Variants in OR2L13 observed in about 807,000 individuals in gnomAD.
The protein encoded by OR2L13 is olfactory receptor 2L13.
A neutral mutation model predicts 15.3 loss-of-function variants in OR2L13; 14 were observed. The ratio of observed to expected loss-of-function variants is 0.91; its 90% CI spans 0.60 to 1.43. OR2L13 has a LOEUF of 1.43. Ranked by LOEUF, OR2L13 falls within the 40% of genes most tolerant of loss-of-function variation. The pLI, the probability that OR2L13 is intolerant of heterozygous loss-of-function variation, is 0.00. For synonymous variants in OR2L13, 152 were observed against 142.9 expected, an observed-to-expected ratio of 1.06 and a Z score of -0.45; for missense variants, 367 against 387.9, an observed-to-expected ratio of 0.95 and a Z score of 0.45.
chr1:248,021,132 T>G, the OR2L13 span, among the ~76,000 whole-genome samples: 1 of 152,250 alleles, frequency 6.6e-6, no homozygotes, highest in Non-Finnish European at 1.5e-5. Context: ...CATATGATCT[T>G]GATTACATCT....
At chr1:248,068,823 G>T in the OR2L13 span, among the ~76,000 whole-genome samples, 9 of 152,192 alleles carry the variant, frequency 5.9e-5, no homozygotes, top group Non-Finnish European at 1.0e-4. Flanking sequence ...ACTACATGAA[G>T]AATGCAGAAG....
chr1:247,990,796 T>C, the OR2L13 span: 5 of 1,603,006 alleles, frequency 3.1e-6, no homozygotes, highest in African/African-American at 2.7e-5. Flanking sequence ...CAATCATTTT[T>C]TCTGTGATGT....
the OR2L13 span, chr1:248,084,340 C>T: frequency 1.3e-5 from 21 of 1,612,592 alleles, no homozygotes; most frequent in Middle Eastern, 1.9e-4. Context: ...GCCTTATTTC[C>T]GGTCAAGTAG....
At chr1:248,094,718 C>T (rs1236604798), upstream of OR2L13, among the ~76,000 whole-genome samples, 1 of 152,092 alleles carries the variant, frequency 6.6e-6, no homozygotes, top group East Asian at 1.9e-4. Context: ...AGTGTTTTAT[C>T]CTAGTATAAT....
chr1:248,035,118 A>G, the OR2L13 span, among the ~76,000 whole-genome samples: 1 of 151,764 alleles, frequency 6.6e-6, no homozygotes, highest in South Asian at 2.1e-4. Context: ...ATGCCGTGAA[A>G]GTGGACATTT....
At chr1:248,000,987 C>T in the OR2L13 span, among the ~76,000 whole-genome samples, 1 of 151,756 alleles carries the variant, frequency 6.6e-6, no homozygotes, top group Non-Finnish European at 1.5e-5. Flanking sequence ...ACCGTTATTT[C>T]AGATTTACTG....
chr1:247,971,845 C>G, the OR2L13 span, among the ~76,000 whole-genome samples: 1 of 152,172 alleles, frequency 6.6e-6, no homozygotes, highest in African/African-American at 2.4e-5. Context: ...AACCCTTATT[C>G]TAAAATTGAC....
chr1:248,006,127 G>T, the OR2L13 span, among the ~76,000 whole-genome samples: 1 of 152,026 alleles, frequency 6.6e-6, no homozygotes, highest in African/African-American at 2.4e-5. Context: ...CCCCGTTAGG[G>T]ACAATTGTAC....
At chr1:248,089,719 A>T in the OR2L13 span, among the ~76,000 whole-genome samples, 2 of 152,178 alleles carry the variant, frequency 1.3e-5, no homozygotes, top group Non-Finnish European at 2.9e-5. Context: ...ATCCCACTAA[A>T]TAGCTCTACT....
the OR2L13 span, among the ~76,000 whole-genome samples, chr1:247,945,287 G>A: frequency 6.6e-6 from 1 of 152,104 alleles, no homozygotes. Flanking sequence ...TCAGGAGCAG[G>A]TTGTTCAATT....
At chr1:248,052,996 T>C in the OR2L13 span, among the ~76,000 whole-genome samples, 4 of 152,090 alleles carry the variant, frequency 2.6e-5, no homozygotes, top group Non-Finnish European at 4.4e-5. Flanking sequence ...GGAAGAGCAG[T>C]TTTGTTTCAT....
At chr1:247,970,276 C>T in the OR2L13 span, among the ~76,000 whole-genome samples, 6 of 152,210 alleles carry the variant, frequency 3.9e-5, no homozygotes, top group African/African-American at 1.4e-4. Flanking sequence ...TGTCAATTAA[C>T]ATGTATACGT....
the OR2L13 span, among the ~76,000 whole-genome samples, chr1:248,019,454 A>G: frequency 0.065 from 9,882 of 152,180 alleles, 364 homozygotes; most frequent in East Asian, 0.16. Context: ...TTTTCCACAG[A>G]GGCTGTAGAA....
chr1:248,076,096 A>G, the OR2L13 span, among the ~76,000 whole-genome samples: 1 of 152,174 alleles, frequency 6.6e-6, no homozygotes. Flanking sequence ...ACCATTTTTA[A>G]ATAGGGAATC....
chr1:247,949,972 T>G, the OR2L13 span, among the ~76,000 whole-genome samples: 1 of 152,148 alleles, frequency 6.6e-6, no homozygotes. Context: ...CTAAGAAACC[T>G]TTTTTCTTGA....
At chr1:248,030,831 G>A in the OR2L13 span, among the ~76,000 whole-genome samples, 1 of 152,138 alleles carries the variant, frequency 6.6e-6, no homozygotes, top group Non-Finnish European at 1.5e-5. Flanking sequence ...ACGTGCCAGT[G>A]TGTGGAGATA....
chr1:247,971,472 C>T, the OR2L13 span, among the ~76,000 whole-genome samples: 3 of 152,172 alleles, frequency 2.0e-5, no homozygotes, highest in East Asian at 3.9e-4. Flanking sequence ...TTCCCATAAA[C>T]ATTGACATAA....
the OR2L13 span, among the ~76,000 whole-genome samples, chr1:247,995,837 G>A: frequency 6.6e-5 from 10 of 152,030 alleles, no homozygotes; most frequent in African/African-American, 2.2e-4. Context: ...TTAATTTTAG[G>A]AAACCTCAAG....
the OR2L13 span, among the ~76,000 whole-genome samples, chr1:247,999,327 C>A: frequency 6.6e-6 from 1 of 152,012 alleles, no homozygotes; most frequent in African/African-American, 2.4e-5. Context: ...TCTATATATC[C>A]ATGGAAATGT....
Sources: gnomAD v4.1 joint callset for allele counts (sites outside exome capture counted in the v4.1 genomes callset) on GRCh38, gnomAD v4.1.1 for gene constraint, MANE v1.5 for transcripts, NCBI Gene and HGNC (gene_info 2026-07-23, HGNC 2026-07-21) for gene names.